Variants in FNIP2 observed in about 807,000 individuals in gnomAD.
FNIP2 encodes folliculin interacting protein 2, also known as folliculin-interacting protein 2.
FNIP2 carries 32 observed loss-of-function variants against 108.7 expected under a neutral mutation model. The observed-to-expected ratio is 0.29, with a 90% CI of 0.22 to 0.40. The LOEUF is 0.40. Ranked by LOEUF, FNIP2 falls within the 10% of genes least tolerant of loss-of-function variation. FNIP2 has a pLI of 1.00. For missense variants in FNIP2, 1,202 were observed against 1,381.6 expected, an observed-to-expected ratio of 0.87 and a Z score of 2.06; for synonymous variants, 480 against 496.7, an observed-to-expected ratio of 0.97 and a Z score of 0.45.
intron 1 of FNIP2, among the ~76,000 whole-genome samples, chr4:158,811,433 G>A (rs1777263068): frequency 6.6e-6 from 1 of 152,140 alleles, no homozygotes; most frequent in Non-Finnish European, 1.5e-5. Context: ...AAATGGAAGG[G>A]ACTTTGACTT....
intron 1 of FNIP2, among the ~76,000 whole-genome samples, chr4:158,771,158 A>G (rs1260460905): frequency 6.6e-6 from 1 of 152,128 alleles, no homozygotes; most frequent in Non-Finnish European, 1.5e-5. Flanking sequence ...AGAATTTGAG[A>G]TCGATGTTTT....
At chr4:158,786,406 C>T (rs1776225282) in intron 1 of FNIP2, among the ~76,000 whole-genome samples, 1 of 152,170 alleles carries the variant, frequency 6.6e-6, no homozygotes, top group Non-Finnish European at 1.5e-5. Context: ...GTTAATTGCA[C>T]AGGAGATTCA....
intron 8 of FNIP2, among the ~76,000 whole-genome samples, chr4:158,852,547 A>C (rs1394373323): frequency 6.6e-6 from 1 of 152,218 alleles, no homozygotes; most frequent in African/African-American, 2.4e-5. Flanking sequence ...TGAGTGTTGC[A>C]TCGTCATCTG....
Position 158,867,779 on chromosome 4 carries a change from C to T in FNIP2, c.1466-323C>T, listed in dbSNP as rs75095470. On this transcript the variant is annotated intron_variant, in intron 12 of 16. Coordinates refer to ENST00000264433, the MANE Select transcript of FNIP2 (RefSeq NM_020840.3). ...TAGATCTGGTCACATATTCAGAGCTCTGGCTTTAGCCTTCTTTGGGCCATC... is the reference window on the plus strand; with the variant it reads ...TAGATCTGGTCACATATTCAGAGCTTTGGCTTTAGCCTTCTTTGGGCCATC... Among the ~76,000 whole-genome samples, 385 of 152,328 alleles carry T rather than the reference C, an allele frequency of 2.5e-3. 3 individuals are homozygous for T. Among genetic ancestry groups the T allele is most frequent in the African/African-American group, 8.8e-3 (365 of 41,558 alleles).
chr4:158,788,416 A>G (rs928908913), intron 1 of FNIP2, among the ~76,000 whole-genome samples: 28 of 152,366 alleles, frequency 1.8e-4, no homozygotes, highest in African/African-American at 5.8e-4. Context: ...TGAATAAATC[A>G]ATAAGCAAAG....
intron 15 of FNIP2, 43 bp downstream of exon 15, chr4:158,891,689 A>G (rs1435343505): frequency 6.6e-7 from 1 of 1,517,104 alleles, no homozygotes; most frequent in Non-Finnish European, 9.0e-7. Flanking sequence ...CTAGTTTTAA[A>G]ATGCTTTTAA....
At chr4:158,832,161 C>T (rs1038123736) in intron 5 of FNIP2, 23 bp downstream of exon 5, 12 of 1,580,560 alleles carry the variant, frequency 7.6e-6, no homozygotes, top group Non-Finnish European at 1.0e-5. Flanking sequence ...TTTTGCATTC[C>T]CCACCCCCAT....
chr4:158,806,443 T>A lies in FNIP2; in HGVS notation c.108-19473T>A, dbSNP rs896424061. The A allele has an allele frequency of 3.1e-6, 4 of 1,276,192 alleles. No homozygotes were observed. In the African/African-American group the frequency reaches 6.1e-5, roughly 19 times the overall value. The allele number at this position is 1,276,192 out of a possible 1,614,324, so 79.1% of individuals were successfully genotyped here. On this transcript the variant is annotated intron_variant, in intron 1 of 16. Coordinates refer to ENST00000264433, the MANE Select transcript of FNIP2 (RefSeq NM_020840.3). ...CAACAGGTTTGAAACTTTAGTTGTT[T>A]CAAAGTCTCAGATAATTTTTTATTT...
At chr4:158,865,981 T>A (rs549491069) in intron 12 of FNIP2, among the ~76,000 whole-genome samples, 2 of 151,702 alleles carry the variant, frequency 1.3e-5, no homozygotes, top group Non-Finnish European at 2.9e-5. Flanking sequence ...AGGAGGTATT[T>A]CTTAATGGGT....
chr4:158,851,542 GA>G (rs1156931444), intron 8 of FNIP2, 92 bp downstream of exon 8: 11 of 1,491,712 alleles, frequency 7.4e-6, no homozygotes, highest in East Asian at 2.3e-5. Flanking sequence ...ATTGTCAGTG[GA>G]AAAAAAACCA....
At chr4:158,889,376 C>T (rs867231731) in intron 14 of FNIP2, among the ~76,000 whole-genome samples, 4 of 152,238 alleles carry the variant, frequency 2.6e-5, no homozygotes, top group South Asian at 2.1e-4. Context: ...CCATCACCTT[C>T]CTAGTATGCC....
chr4:158,832,012 T>C (rs1778512913), intron 4 of FNIP2, 51 bp downstream of exon 4: 7 of 1,600,030 alleles, frequency 4.4e-6, no homozygotes, highest in Non-Finnish European at 6.0e-6. Flanking sequence ...AACGGTGGTA[T>C]TGACTCCTTA....
intron 1 of FNIP2, among the ~76,000 whole-genome samples, chr4:158,814,844 A>G (rs1027083481): frequency 1.3e-5 from 2 of 152,192 alleles, no homozygotes; most frequent in Non-Finnish European, 2.9e-5. Flanking sequence ...GTAGGAGTTC[A>G]CCCACTGCCT....
In FNIP2 at chr4:158,859,367, A is replaced by G. The variant is rs1578926842; in HGVS notation, c.1059+109A>G. 1.3e-5 allele frequency: 17 copies of G among 1,263,122 alleles called. No homozygotes were observed. In the East Asian group the frequency reaches 4.3e-4, roughly 32 times the overall value. 78.2% of individuals were successfully genotyped at this position (1,263,122 alleles called of 1,614,324 possible). A position where few individuals can be genotyped will look rare whatever the true frequency, so the allele number is the denominator to read the frequency against. On this transcript the variant is annotated intron_variant, in intron 9 of 16. Coordinates refer to ENST00000264433, the MANE Select transcript of FNIP2 (RefSeq NM_020840.3). ...ATGTCTTTCCTAAGGAAGTTAAATCACCTGTAGCAGTGATAAATTTTAGGC... is the reference window on the plus strand; with the variant it reads ...ATGTCTTTCCTAAGGAAGTTAAATCGCCTGTAGCAGTGATAAATTTTAGGC...
intron 1 of FNIP2, among the ~76,000 whole-genome samples, chr4:158,804,231 C>T (rs545118955): frequency 3.3e-5 from 5 of 152,136 alleles, no homozygotes; most frequent in South Asian, 2.1e-4. Context: ...TGGGAGCCAC[C>T]GCACCTGGCC....
intron 1 of FNIP2, among the ~76,000 whole-genome samples, chr4:158,822,301 C>T (rs539727238): frequency 6.6e-6 from 1 of 151,778 alleles, no homozygotes; most frequent in Non-Finnish European, 1.5e-5. Context: ...CCTCAGCCTC[C>T]GCACTCCAGT....
At chr4:158,875,308 C>G (rs1224824709) in intron 14 of FNIP2, among the ~76,000 whole-genome samples, 2 of 151,642 alleles carry the variant, frequency 1.3e-5, no homozygotes, top group African/African-American at 4.9e-5. Context: ...TCATCAAGAC[C>G]AAAATTAACA....
chr4:158,852,607 A>C (rs1779761196), intron 8 of FNIP2, among the ~76,000 whole-genome samples: 2 of 152,254 alleles, frequency 1.3e-5, no homozygotes, highest in Non-Finnish European at 2.9e-5. Context: ...TGGGAGGGTT[A>C]AATGAGATAA....
At chr4:158,787,693 A>G (rs961678879) in intron 1 of FNIP2, among the ~76,000 whole-genome samples, 3 of 152,208 alleles carry the variant, frequency 2.0e-5, no homozygotes, top group Non-Finnish European at 4.4e-5. Context: ...TCTCACAACT[A>G]TATTCTCTTG....
Sources: allele counts gnomAD v4.1 joint callset (sites outside exome capture counted in the v4.1 genomes callset), GRCh38; gene constraint gnomAD v4.1.1; transcripts MANE v1.5; gene names NCBI Gene and HGNC (gene_info 2026-07-23, HGNC 2026-07-21).